PAX5: variants seen among roughly 807,000 people sequenced by gnomAD.
PAX5 encodes the protein paired box protein Pax-5.
Under a neutral mutation model 43.7 loss-of-function variants are expected in PAX5, and 9 were observed. The observed-to-expected ratio is 0.21, with a 90% CI of 0.12 to 0.36. The LOEUF (loss-of-function observed/expected upper bound fraction) is 0.36. PAX5 is among the 10% of genes least tolerant of loss of function. The probability of loss-of-function intolerance (pLI) is 1.00; values close to 1 mark genes in which losing one functional copy is unlikely to be tolerated. For missense variants in PAX5, 383 were observed against 532.7 expected (o/e 0.72, Z 2.77); for synonymous variants, 228 against 214.3 (o/e 1.06, Z -0.56).
At position 36,912,693 on chromosome 9, in the gene PAX5, C is replaced by T. The variant is rs139730681; in HGVS notation, c.910+10662G>A. ...GAGTAGTGGGACCACAGGATCCTCC[C>T]ACCCTACCCAGGTATGGTCAGAACG... On this transcript the variant is annotated intron_variant, in intron 7 of 9. Transcript: ENST00000358127. Among the ~76,000 whole-genome samples, 5 of 152,240 alleles carry T rather than the reference C, an allele frequency of 3.3e-5. 1 individual carries two copies. In the East Asian group the frequency reaches 9.7e-4, roughly 29 times the overall value.
chr9:36,898,553 G>T (rs1350157173), intron 7 of PAX5, among the ~76,000 whole-genome samples: 1 of 152,200 alleles, frequency 6.6e-6, no homozygotes, highest in African/African-American at 2.4e-5. Context: ...GGAGGACTAG[G>T]AGAATTAAAA....
Position 36,838,996 on chromosome 9 carries a change from C to T in PAX5, c.*1564G>A, listed in dbSNP as rs1181212437. ...TGGGGGACATTGTCACCTAAGAAGG[C>T]CAAGCCCCCTCTCATCACTGTCATT... On this transcript the variant is annotated 3_prime_UTR_variant, in exon 10 of 10. Coordinates refer to ENST00000358127, the MANE Select transcript of PAX5 (RefSeq NM_016734.3). 1.3e-5 allele frequency: 3 copies of T among 233,190 alleles called. No individual in the cohort carries two copies. The highest frequency in any genetic ancestry group is 4.4e-5 in the African/African-American group (2 of 45,326). The allele number at this position is 233,190 out of a possible 1,614,324, so 14.4% of individuals were successfully genotyped here. A position where few individuals can be genotyped will look rare whatever the true frequency, so the allele number is the denominator to read the frequency against.
chr9:36,965,220 G>T (rs1049195073), intron 6 of PAX5, among the ~76,000 whole-genome samples: 1 of 152,120 alleles, frequency 6.6e-6, no homozygotes, highest in Admixed American at 6.5e-5. Flanking sequence ...TGTAACCCAT[G>T]ACCCTTTAGG....
chr9:36,923,334 C>T (rs199827572), intron 7 of PAX5, 21 bp downstream of exon 7: 98 of 1,604,882 alleles, frequency 6.1e-5, no homozygotes, highest in Non-Finnish European at 7.5e-5. Flanking sequence ...CACTCATCCC[C>T]CATGCCCCAG....
intron 5 of PAX5, among the ~76,000 whole-genome samples, chr9:36,968,754 C>T (rs1298072659): frequency 6.6e-6 from 1 of 152,176 alleles, no homozygotes; most frequent in Non-Finnish European, 1.5e-5. Flanking sequence ...TCCTCAGAGA[C>T]CCTTCTCCCA....
rs566137017 is a variant in PAX5 at position 36,928,276 on chromosome 9, T to C, written c.781-4792A>G. 9.2e-5 allele frequency among the ~76,000 whole-genome samples: 14 copies of C among 152,330 alleles called. No individual in the cohort carries two copies. In the South Asian group the frequency reaches 2.1e-3, roughly 23 times the overall value. On this transcript the variant is annotated intron_variant, in intron 6 of 9. Transcript: ENST00000358127. ...ACAGCTCCTCAGCCATTCCAGACAC[T>C]GTCCTACCTCCGCCTGGAGGGTCCC...
chr9:36,955,628 T>A (rs1010699862), intron 6 of PAX5, among the ~76,000 whole-genome samples: 2 of 151,972 alleles, frequency 1.3e-5, no homozygotes, highest in African/African-American at 2.4e-5. Context: ...AACATCAGCA[T>A]CAAAACCCCA....
chr9:36,845,050 T>G (rs1789101638), intron 9 of PAX5, among the ~76,000 whole-genome samples: 1 of 152,208 alleles, frequency 6.6e-6, no homozygotes, highest in Non-Finnish European at 1.5e-5. Context: ...GTGCCATGCA[T>G]GGGCTGGGGT....
At chr9:36,989,312 T>C (rs988520562) in intron 5 of PAX5, among the ~76,000 whole-genome samples, 4 of 152,202 alleles carry the variant, frequency 2.6e-5, no homozygotes, top group East Asian at 1.9e-4. Context: ...TGACACCCTC[T>C]GTGAGAGGCA....
rs756710542 is a variant in PAX5 at position 36,840,616 on chromosome 9, C to T, written c.1120G>A (p.Ala374Thr). Residue 374 changes from alanine (A) to threonine (T), a missense_variant, in exon 10 of 10, where the codon GCT (alanine) becomes ACT (threonine). Physicochemically the swap from Ala to Thr is moderately conservative, Grantham distance 58. Coordinates refer to ENST00000358127, the MANE Select transcript of PAX5 (RefSeq NM_016734.3). ...GGTGGGGCGGCTCCTCGGGCGGCAG[C>T]GCTATAATAGTAGGGGGAGCCTGGA... The part of the protein sequence containing the change: ...GLLGSPYYYS[A>T]AARGAAPPAA... 9.5e-6 allele frequency: 15 copies of T among 1,577,032 alleles called. No individual in the cohort carries two copies. Among genetic ancestry groups the T allele is most frequent in the Admixed American group, 1.9e-5 (1 of 53,394 alleles).
chr9:36,930,981 G>C (rs989474565), intron 6 of PAX5: 2 of 582,334 alleles, frequency 3.4e-6, no homozygotes, highest in African/African-American at 1.9e-5. Flanking sequence ...ACACAGACAC[G>C]TGAGAAGGAG....
At chr9:36,871,300 T>A (rs1241754838) in intron 8 of PAX5, among the ~76,000 whole-genome samples, 1 of 152,236 alleles carries the variant, frequency 6.6e-6, no homozygotes, top group Non-Finnish European at 1.5e-5. Flanking sequence ...ACTCTGTCTC[T>A]GGTCAGAATC....
Position 36,846,922 on chromosome 9 carries a change from C to T in PAX5, c.1020G>A (p.Glu340=), listed in dbSNP as rs1470841300. The T allele has an allele frequency of 6.2e-7, 1 of 1,612,386 alleles. No homozygotes were observed. The highest frequency in any genetic ancestry group is 8.5e-7 in the Non-Finnish European group (1 of 1,178,412). ...GGTGGCTGTAGGGACTCCCGGAAAA[C>T]TCACTCCCTGTGTATGGTGGGTGGA... The part of the protein sequence containing the change: ...PTLTGMVPGS[E]FSGSPYSHPQ... The change falls in exon 9 of 10, where the codon GAG becomes GAA. Residue 340 remains glutamate, a synonymous_variant. Coordinates refer to ENST00000358127, the MANE Select transcript of PAX5 (RefSeq NM_016734.3).
intron 7 of PAX5, among the ~76,000 whole-genome samples, chr9:36,897,961 G>A (rs61649808): frequency 0.042 from 6,437 of 152,206 alleles, 368 homozygotes; most frequent in East Asian, 0.24. Flanking sequence ...ACAGAAATCC[G>A]ACTTCACAGA....
intron 8 of PAX5, among the ~76,000 whole-genome samples, chr9:36,853,796 C>T (rs777160190): frequency 2.8e-4 from 42 of 152,388 alleles, no homozygotes; most frequent in South Asian, 2.1e-4. Context: ...GCAGAAACAT[C>T]ACCAGATTCA....
chr9:36,894,068 G>A (rs906523535), intron 7 of PAX5, among the ~76,000 whole-genome samples: 11 of 152,120 alleles, frequency 7.2e-5, no homozygotes, highest in African/African-American at 1.9e-4. Flanking sequence ...ATCGAGACCC[G>A]CCACGCCCCC....
At chr9:36,909,872 A>C (rs1008359962) in intron 7 of PAX5, among the ~76,000 whole-genome samples, 2 of 121,718 alleles carry the variant, frequency 1.6e-5, no homozygotes, top group Non-Finnish European at 3.1e-5. Flanking sequence ...CCCAGGCTGG[A>C]GTGCAGTGGC....
At chr9:36,985,548 C>T (rs1369514534) in intron 5 of PAX5, among the ~76,000 whole-genome samples, 3 of 152,180 alleles carry the variant, frequency 2.0e-5, no homozygotes, top group Non-Finnish European at 4.4e-5. Context: ...ACGACTTCTG[C>T]CCTTGGAACT....
In PAX5 at chr9:36,839,229, C is replaced by T. The variant is rs1481069370; in HGVS notation, c.*1331G>A. The stretch of plus-strand genomic sequence containing the variant: ...TCCCCCAGATCTTCCCTGCTGGCTT[C>T]CTCTGACCACCCTAGCCCACAGTGA... On this transcript the variant is annotated 3_prime_UTR_variant, in exon 10 of 10. Transcript: ENST00000358127. 4.3e-6 allele frequency: 1 copy of T among 233,596 alleles called. No homozygotes were observed. Among genetic ancestry groups the T allele is most frequent in the Non-Finnish European group, 8.5e-6 (1 of 118,296 alleles). 14.5% of individuals were successfully genotyped at this position (233,596 alleles called of 1,614,324 possible).
Sources: allele counts gnomAD v4.1 joint callset (sites outside exome capture counted in the v4.1 genomes callset), GRCh38; gene constraint gnomAD v4.1.1; transcripts MANE v1.5; gene names NCBI Gene and HGNC (gene_info 2026-07-23, HGNC 2026-07-21).